The following VIRMA variants were observed in gnomAD, a reference collection of about 807,000 sequenced individuals.
VIRMA encodes vir like m6A methyltransferase associated, also known as protein virilizer homolog.
A neutral mutation model predicts 182.4 loss-of-function variants in VIRMA; 65 were observed. The observed-to-expected ratio is 0.36, with a 90% confidence interval of 0.29 to 0.44. The LOEUF is 0.44. Among genes scored for constraint, VIRMA ranks in the 20% least tolerant of loss-of-function variants. VIRMA has a pLI of 1.00. For synonymous variants in VIRMA, 709 were observed against 743.1 expected (o/e 0.95, Z 0.75); for missense variants, 1,752 against 2,158.1 (o/e 0.81, Z 3.73).
chr8:94,494,783 C>A, intron 20 of VIRMA, 77 bp downstream of exon 20: 1 of 885,444 alleles, frequency 1.1e-6, no homozygotes, highest in Non-Finnish European at 1.8e-6. Flanking sequence ...AATATGGAAA[C>A]TATTATAATG....
rs75142113 is a variant in VIRMA, at chr8:94,549,643, A to C, written c.63+3742T>G. The stretch of plus-strand genomic sequence containing the variant: ...TTGTACATATCCAAAACTTGTATAA[A>C]TCCTCTCCTACGTAGTTCCACTGGG... On this transcript the variant is annotated intron_variant, in intron 1 of 23. Transcript: ENST00000297591. Among the ~76,000 whole-genome samples, 1,003 of 152,310 alleles carry C rather than the reference A, an allele frequency of 6.6e-3. 7 individuals carry two copies. The highest frequency in any genetic ancestry group is 0.023 in the African/African-American group (947 of 41,560).
At chr8:94,509,258 A>G (rs1814268714) in intron 15 of VIRMA, among the ~76,000 whole-genome samples, 1 of 151,970 alleles carries the variant, frequency 6.6e-6, no homozygotes, top group Admixed American at 6.6e-5. Flanking sequence ...AAAATTAGCC[A>G]GGTGTGGTGG....
intron 16 of VIRMA, among the ~76,000 whole-genome samples, chr8:94,505,179 T>C (rs1814112718): frequency 6.6e-6 from 1 of 152,084 alleles, no homozygotes. Context: ...TGAGAGCGAA[T>C]ACAGAAGATG....
In VIRMA at chr8:94,509,806, T is replaced by G. The variant is rs762396116; in HGVS notation, c.3761A>C (p.Glu1254Ala). The G allele has an allele frequency of 6.2e-7, 1 of 1,614,116 alleles. No homozygotes were observed. Among genetic ancestry groups the G allele is most frequent in the Non-Finnish European group, 8.5e-7 (1 of 1,179,990 alleles). The change falls in exon 15 of 24, where the codon GAA becomes GCA. Residue 1254 changes from glutamate to alanine, a missense_variant. Around this residue, in one of 11 missense-constraint regions of VIRMA, gnomAD observed 777 missense variants for 920.6 expected, o/e 0.84. Transcript: ENST00000297591. ...ATCCTGGAATATCTCTGCATATCTT[T>G]CATCACCTTTAATAGTTCCATTAAT... ...HLINGTIKGD[E>A]RYAEIFQDLL...
intron 7 of VIRMA, among the ~76,000 whole-genome samples, chr8:94,528,247 AAAAG>A (rs1563474135): frequency 6.6e-6 from 1 of 151,662 alleles, no homozygotes; most frequent in Non-Finnish European, 1.5e-5. Flanking sequence ...AAAAAAAAAA[AAAAG>A]AAAGAAAAAA....
intron 4 of VIRMA, among the ~76,000 whole-genome samples, chr8:94,535,297 A>C (rs997076761): frequency 6.6e-6 from 1 of 152,178 alleles, no homozygotes; most frequent in Non-Finnish European, 1.5e-5. Flanking sequence ...AAGAAATGAG[A>C]ATAAAATTAA....
intron 17 of VIRMA, chr8:94,498,838 G>A (rs1159460778): frequency 6.5e-6 from 1 of 152,706 alleles, no homozygotes; most frequent in Non-Finnish European, 1.5e-5. Context: ...AGCACTTTGG[G>A]AGGCCGAGGT....
rs376331412 is a variant in VIRMA at position 94,522,899 on chromosome 8, T to A, written c.2021+3324A>T. Among the ~76,000 whole-genome samples, 188 of 152,302 alleles carry A rather than the reference T, an allele frequency of 1.2e-3. 1 individual carries two copies. The highest frequency in any genetic ancestry group is 4.3e-3 in the African/African-American group (179 of 41,566). ...CTCCAAAATATTCAATACCTTTCCATATTCTACAAATAAAATCCAAATTCC... is the reference window on the plus strand; with the variant it reads ...CTCCAAAATATTCAATACCTTTCCAAATTCTACAAATAAAATCCAAATTCC... On this transcript the variant is annotated intron_variant, in intron 8 of 23. Transcript: ENST00000297591.
At chr8:94,530,272 G>T (rs527928934) in intron 6 of VIRMA, among the ~76,000 whole-genome samples, 1 of 152,024 alleles carries the variant, frequency 6.6e-6, no homozygotes, top group Non-Finnish European at 1.5e-5. Context: ...CCAAAACTGT[G>T]GGGGGCCAAG....
At chr8:94,539,750 C>T (rs567461130) in intron 2 of VIRMA, among the ~76,000 whole-genome samples, 181 of 152,272 alleles carry the variant, frequency 1.2e-3, no homozygotes, top group African/African-American at 4.2e-3. Flanking sequence ...ATCCCCAATG[C>T]AACAGTGTTG....
At position 94,511,461 on chromosome 8, in the gene VIRMA, A is replaced by T. The variant is rs1021066415; in HGVS notation, c.3114T>A (p.Val1038=). ...TAGAGCACAGGAGCATATGTAAAGT[A>T]ACAAGCGCTGAAGGAACACGCATGT... ...FKDMRVPSAL[V]TLHMLLCSIP... Residue 1038 remains valine, a synonymous_variant, in exon 13 of 24, where the codon GTT becomes GTA. Coordinates refer to ENST00000297591, the MANE Select transcript of VIRMA (RefSeq NM_015496.5). The T allele has an allele frequency of 2.5e-6, 4 of 1,614,180 alleles. No homozygotes were observed. The highest frequency in any genetic ancestry group is 3.3e-5 in the Admixed American group (2 of 60,030).
chr8:94,489,148 TA>T (rs777406289), intron 23 of VIRMA, among the ~76,000 whole-genome samples: 1 of 151,256 alleles, frequency 6.6e-6, no homozygotes. Context: ...ATAAATGTTT[TA>T]AAAAAAAAGG....
intron 1 of VIRMA, 119 bp downstream of exon 1, chr8:94,553,266 T>C (rs978601653): frequency 1.5e-5 from 15 of 981,952 alleles, no homozygotes; most frequent in Non-Finnish European, 2.3e-5. Context: ...AGGGTGTCTG[T>C]GTGTAAGCGA....
At chr8:94,512,491 T>C (rs2130310662) in intron 11 of VIRMA, 1 of 152,550 alleles carries the variant, frequency 6.6e-6, no homozygotes, top group African/African-American at 2.4e-5. Flanking sequence ...AAAAGTCCTG[T>C]GGAGGCTGAG....
At chr8:94,546,723 C>T (rs894228673) in intron 1 of VIRMA, 8 of 342,792 alleles carry the variant, frequency 2.3e-5, no homozygotes, top group Non-Finnish European at 4.6e-5. Flanking sequence ...TCCCAACCTT[C>T]CCCCTCCGAG....
In VIRMA at chr8:94,538,241, T is replaced by C. The variant is rs772115318; in HGVS notation, c.266+19A>G. The C allele has an allele frequency of 6.5e-7, 1 of 1,539,882 alleles. No individual in the cohort carries two copies. Reference sequence around the variant, plus strand: ...ACTAACTCATGAGTTTCTGGTGAAATTACCTAGCAGGTACATACCTTCCCA... The same window carrying C: ...ACTAACTCATGAGTTTCTGGTGAAACTACCTAGCAGGTACATACCTTCCCA... On this transcript the variant is annotated intron_variant, in intron 3 of 23. Transcript: ENST00000297591.
intron 16 of VIRMA, among the ~76,000 whole-genome samples, chr8:94,501,795 A>G (rs1462914971): frequency 6.6e-6 from 1 of 151,920 alleles, no homozygotes; most frequent in African/African-American, 2.4e-5. Context: ...CGGCTCTACA[A>G]AAGATACAAA....
chr8:94,504,684 G>C (rs899614479), intron 16 of VIRMA, among the ~76,000 whole-genome samples: 1 of 152,204 alleles, frequency 6.6e-6, no homozygotes, highest in African/African-American at 2.4e-5. Flanking sequence ...TGCAAGAAAT[G>C]ATAGTGGCCT....
At chr8:94,548,942 C>G (rs1815875560) in intron 1 of VIRMA, among the ~76,000 whole-genome samples, 1 of 149,474 alleles carries the variant, frequency 6.7e-6, no homozygotes, top group Non-Finnish European at 1.5e-5. Flanking sequence ...CAGGCATGAG[C>G]CACCGCGTTT....
Sources: gnomAD v4.1 joint callset for allele counts (sites outside exome capture counted in the v4.1 genomes callset) on GRCh38, gnomAD v4.1.1 for gene constraint, gnomAD v4.1.1 regional missense constraint, MANE v1.5 for transcripts, NCBI Gene and HGNC (gene_info 2026-07-23, HGNC 2026-07-21) for gene names.